Variants in LINC00632 observed in about 807,000 individuals in gnomAD.
The protein encoded by LINC00632 is long independently transcribed non-coding RNA 632.
At chrX:140,784,546 T>G in exon 5 of LINC00632, 1 of 539,623 alleles carries the variant, frequency 1.9e-6, no homozygotes, top group African/African-American at 2.3e-5. Context: ...AGCATCTTCA[T>G]GTCTTCCAAC....
chrX:140,788,996 A>G (rs1001456420), exon 5 of LINC00632, among the ~76,000 whole-genome samples: 1 of 107,020 alleles, frequency 9.3e-6, no homozygotes, highest in Non-Finnish European at 1.9e-5. Context: ...AAAAGTAAAA[A>G]AAAGCAGTAG....
rs753575619 is a variant in LINC00632 at position 140,783,614 on chromosome X, A to C, written n.11633A>C. 20 of 1,207,564 alleles carry C rather than the reference A, an allele frequency of 1.7e-5. No individual in the cohort carries two copies. The South Asian group carries it at 2.1e-4, about 13-fold the overall frequency. On this transcript the variant is annotated non_coding_transcript_exon_variant, in exon 5 of 5. Transcript: ENST00000648200. ...AGTCAATCAGTGTCTTCCAGAAAGA[A>C]ATCCAGGTCTTCCAGTCAATCAGTG...
At chrX:140,753,764 C>CTT (rs1931447041) in intron 3 of LINC00632, among the ~76,000 whole-genome samples, 2 of 75,446 alleles carry the variant, frequency 2.7e-5, no homozygotes, top group East Asian at 3.8e-4. Flanking sequence ...TTCTTTCTTT[C>CTT]TTTCTTTTTT....
chrX:140,761,219 C>T (rs147055597), intron 3 of LINC00632, among the ~76,000 whole-genome samples: 264 of 112,638 alleles, frequency 2.3e-3, no homozygotes, highest in African/African-American at 8.0e-3. Context: ...GTGTCCCAAA[C>T]TGCAGACTCT....
At chrX:140,750,613 A>G (rs1010992495) in intron 3 of LINC00632, among the ~76,000 whole-genome samples, 2 of 111,164 alleles carry the variant, frequency 1.8e-5, no homozygotes, top group African/African-American at 6.5e-5. Flanking sequence ...AACCATGTCT[A>G]TTGATAGAGG....
At chrX:140,760,496 C>T (rs1365551213) in intron 3 of LINC00632, among the ~76,000 whole-genome samples, 2 of 111,386 alleles carry the variant, frequency 1.8e-5, no homozygotes, top group African/African-American at 3.3e-5. Flanking sequence ...ATAGGCCGGG[C>T]GCGGTGGCTC....
At chrX:140,783,591 T>C in exon 5 of LINC00632, 1 of 1,199,504 alleles carries the variant, frequency 8.3e-7, no homozygotes, top group Non-Finnish European at 1.1e-6. Context: ...GATCTTCCAG[T>C]CAATCAGTGT....
At chrX:140,772,228 C>T (rs1931810945) in exon 4 of LINC00632, 1 of 294,155 alleles carries the variant, frequency 3.4e-6, no homozygotes, top group African/African-American at 2.8e-5. Flanking sequence ...GTTCAAGTCA[C>T]CATCCTGTTT....
exon 1 of LINC00632, chrX:140,709,764 G>T (rs1274133702): frequency 3.0e-6 from 1 of 338,634 alleles, no homozygotes; most frequent in Middle Eastern, 4.4e-4. Context: ...CCTTCAGTGC[G>T]ACAGACAGCC....
intron 3 of LINC00632, among the ~76,000 whole-genome samples, chrX:140,764,046 G>A (rs897033368): frequency 9.0e-6 from 1 of 110,755 alleles, no homozygotes; most frequent in African/African-American, 3.3e-5. Flanking sequence ...TGATGGAGGT[G>A]TCAAGCGTGC....
chrX:140,725,450 G>A (rs190943895), intron 2 of LINC00632, among the ~76,000 whole-genome samples: 2,025 of 89,650 alleles, frequency 0.023, 53 homozygotes, highest in African/African-American at 0.077. Flanking sequence ...CACACACATA[G>A]ACTCATTCCG....
rs760183698 is a variant in LINC00632 at position 140,732,077 on chromosome X, G to A, written n.105-1801G>A. ...AAATTAGCTGGGCGTGGTGGCAGGC[G>A]CCTGTAATCCCAGCTACTTGGGAGG... On this transcript the variant is annotated intron_variant and non_coding_transcript_variant, in intron 2 of 4. Coordinates refer to ENST00000648200, the Ensembl canonical transcript of LINC00632. Among the ~76,000 whole-genome samples, 255 of 110,909 alleles carry A rather than the reference G, an allele frequency of 2.3e-3. 1 individual carries two copies. Among genetic ancestry groups the A allele is most frequent in the African/African-American group, 7.9e-3 (242 of 30,499 alleles).
intron 3 of LINC00632, among the ~76,000 whole-genome samples, chrX:140,738,277 T>C (rs866111457): frequency 6.2e-5 from 7 of 112,338 alleles, no homozygotes; most frequent in South Asian, 3.7e-4. Context: ...AGTGGATTCA[T>C]TGATACTGTT....
chrX:140,765,206 T>C (rs1931667461), intron 3 of LINC00632, among the ~76,000 whole-genome samples: 1 of 111,644 alleles, frequency 9.0e-6, no homozygotes. Flanking sequence ...TGCCACGTAG[T>C]AGACCTCCGG....
At chrX:140,762,718 G>A (rs190910683) in intron 3 of LINC00632, among the ~76,000 whole-genome samples, 2 of 112,202 alleles carry the variant, frequency 1.8e-5, no homozygotes, top group African/African-American at 6.5e-5. Flanking sequence ...AAATAAGTGG[G>A]CATGAATAGG....
intron 3 of LINC00632, among the ~76,000 whole-genome samples, chrX:140,760,297 C>T (rs769673019): frequency 3.6e-5 from 4 of 111,710 alleles, no homozygotes; most frequent in South Asian, 7.6e-4. Context: ...TAGAAAATGC[C>T]GAGTGCCCTA....
exon 5 of LINC00632, among the ~76,000 whole-genome samples, chrX:140,788,661 T>C (rs1458050110): frequency 9.1e-6 from 1 of 109,291 alleles, no homozygotes; most frequent in East Asian, 2.8e-4. Flanking sequence ...CCAAAATATG[T>C]TGAAAATACA....
chrX:140,771,028 A>G (rs961570142), intron 3 of LINC00632, among the ~76,000 whole-genome samples: 7 of 111,925 alleles, frequency 6.3e-5, no homozygotes, highest in African/African-American at 2.3e-4. Context: ...GGCTCTAGAG[A>G]GAAAAAAGAC....
At chrX:140,784,252 T>C (rs767892317) in exon 5 of LINC00632, 2 of 1,211,111 alleles carry the variant, frequency 1.7e-6, no homozygotes, top group South Asian at 3.5e-5. Flanking sequence ...TCTTCCAGCC[T>C]ACTTGTGTCT....
Sources: allele counts gnomAD v4.1 joint callset (sites outside exome capture counted in the v4.1 genomes callset), GRCh38; gene constraint gnomAD v4.1.1; transcripts MANE v1.5; gene names NCBI Gene and HGNC (gene_info 2026-07-23, HGNC 2026-07-21).